The following CENPU variants were observed in gnomAD, a reference collection of about 807,000 sequenced individuals.
The protein encoded by CENPU is KSHV latent nuclear antigen interacting protein 1.
CENPU carries 46 observed loss-of-function variants against 56.7 expected under a neutral mutation model. That is an observed-to-expected ratio of 0.81 (90% CI 0.64 to 1.04). CENPU has a LOEUF of 1.04. Ranked by LOEUF, CENPU falls within the 50% of genes least tolerant of loss-of-function variation. The pLI is 0.00. For missense variants in CENPU, 510 were observed against 490.1 expected, an observed-to-expected ratio of 1.04 and a Z score of -0.38; for synonymous variants, 166 against 163.0, an observed-to-expected ratio of 1.02 and a Z score of -0.14.
intron 10 of CENPU, 53 bp from the exon 11 acceptor site, chr4:184,700,934 G>T: frequency 1.4e-6 from 2 of 1,396,932 alleles, no homozygotes; most frequent in Non-Finnish European, 2.0e-6. Flanking sequence ...TTTGAGCACT[G>T]CCACATAAGC....
chr4:184,697,936 CG>C (rs1760395707), intron 11 of CENPU, 133 bp from the exon 12 acceptor site: 1 of 599,742 alleles, frequency 1.7e-6, no homozygotes, highest in Non-Finnish European at 2.9e-6. Context: ...TCTGAAACTA[CG>C]AATGTGTAAA....
intron 4 of CENPU, among the ~76,000 whole-genome samples, chr4:184,723,778 G>A (rs1241498148): frequency 6.1e-5 from 9 of 146,742 alleles, no homozygotes; most frequent in Non-Finnish European, 1.0e-4. Flanking sequence ...GGGAGGCGGA[G>A]GTTACAGTGA....
chr4:184,721,480 G>GAAAAAAA (rs1761275743), intron 4 of CENPU, among the ~76,000 whole-genome samples: 3 of 40,804 alleles, frequency 7.4e-5, no homozygotes, highest in African/African-American at 3.0e-4. Flanking sequence ...AAAAAAAAAG[G>GAAAAAAA]ACCCAATGAT....
intron 7 of CENPU, among the ~76,000 whole-genome samples, chr4:184,710,958 T>C (rs1760902565): frequency 6.6e-6 from 1 of 152,096 alleles, no homozygotes; most frequent in Non-Finnish European, 1.5e-5. Flanking sequence ...TAGGCTCAAG[T>C]GATCCTCCCA....
At chr4:184,730,729 A>G (rs1238712505) in intron 2 of CENPU, among the ~76,000 whole-genome samples, 191 bp downstream of exon 2, 1 of 152,186 alleles carries the variant, frequency 6.6e-6, no homozygotes, top group Non-Finnish European at 1.5e-5. Flanking sequence ...TCAGAAATAA[A>G]GGAAATTCTA....
intron 4 of CENPU, 84 bp from the exon 5 acceptor site, chr4:184,717,280 A>G: frequency 1.0e-6 from 1 of 969,736 alleles, no homozygotes; most frequent in Non-Finnish European, 1.6e-6. Flanking sequence ...TTCAACATGA[A>G]AACAGACTCA....
At chr4:184,711,990 G>A (rs1306123644) in intron 7 of CENPU, among the ~76,000 whole-genome samples, 1 of 151,806 alleles carries the variant, frequency 6.6e-6, no homozygotes, top group Non-Finnish European at 1.5e-5. Flanking sequence ...GCATGGTGGC[G>A]TGGGCCTATA....
intron 11 of CENPU, chr4:184,699,689 T>G (rs1209777747): frequency 3.6e-6 from 4 of 1,117,008 alleles, no homozygotes; most frequent in Non-Finnish European, 4.8e-6. Context: ...GAGACACAGT[T>G]TCACTCTGTC....
intron 8 of CENPU, among the ~76,000 whole-genome samples, chr4:184,702,691 A>C (rs67641203): frequency 0.18 from 27,125 of 152,112 alleles, 2,724 homozygotes; most frequent in African/African-American, 0.26. Context: ...GCATAGTAGC[A>C]AACAGGTTGT....
Position 184,704,383 on chromosome 4 carries a change from T to C in CENPU, c.798-1942A>G, listed in dbSNP as rs571698535. 3.9e-5 allele frequency among the ~76,000 whole-genome samples: 6 copies of C among 152,288 alleles called. No individual in the cohort carries two copies. The East Asian group carries it at 5.8e-4, about 15-fold the overall frequency. ...TGCTACAATTATCTACAGTACTCAA[T>C]ACAGTAACATGCTGTCCAAGTGTGT... On this transcript the variant is annotated intron_variant, in intron 8 of 12. Transcript: ENST00000281453.
intron 8 of CENPU, among the ~76,000 whole-genome samples, chr4:184,705,163 G>A (rs1044077917): frequency 6.6e-6 from 1 of 152,014 alleles, no homozygotes; most frequent in African/African-American, 2.4e-5. Context: ...GCCCCAAACT[G>A]GAAACAACCC....
At chr4:184,731,021 G>GTGTTTCCTCAGTTATTTT in intron 1 of CENPU, 53 bp from the exon 2 acceptor site, 1 of 1,298,482 alleles carries the variant, frequency 7.7e-7, no homozygotes, top group Non-Finnish European at 1.1e-6. Flanking sequence ...AATAACTGAG[G>GTGTTTCCTCAGTTATTTT]AAACACCATA....
rs372853709 is a variant in CENPU, at chr4:184,730,901, A to G, written c.96+19T>C. ...TACTGTCAATTTTGAGAAAACCACA[A>G]CACAAAAAGGTAACTTACATCTTTC... On this transcript the variant is annotated intron_variant, in intron 2 of 12. Transcript: ENST00000281453. 2 of 1,570,836 alleles carry G rather than the reference A, an allele frequency of 1.3e-6. No homozygotes were observed. The highest frequency in any genetic ancestry group is 1.7e-6 in the Non-Finnish European group (2 of 1,165,828).
At chr4:184,717,217 C>CT (rs753340457) in intron 4 of CENPU, 21 bp from the exon 5 acceptor site, 1 of 1,585,038 alleles carries the variant, frequency 6.3e-7, no homozygotes, top group Non-Finnish European at 8.6e-7. Flanking sequence ...TACAAGCCAT[C>CT]AATATCTTGT....
chr4:184,717,321 TA>T, intron 4 of CENPU, 125 bp from the exon 5 acceptor site: 1 of 701,468 alleles, frequency 1.4e-6, no homozygotes, highest in Non-Finnish European at 2.4e-6. Context: ...ATTTGTCACA[TA>T]CAAGTCTGCC....
intron 1 of CENPU, among the ~76,000 whole-genome samples, chr4:184,731,680 G>A (rs1761650169): frequency 6.6e-6 from 1 of 152,082 alleles, no homozygotes; most frequent in African/African-American, 2.4e-5. Context: ...GTACGGGGGG[G>A]ATACTCCAGG....
chr4:184,729,176 C>G (rs1761553584), intron 2 of CENPU, 141 bp from the exon 3 acceptor site: 1 of 633,856 alleles, frequency 1.6e-6, no homozygotes, highest in Admixed American at 2.7e-5. Context: ...ACTACCTACC[C>G]TGATTGGGTC....
At chr4:184,726,460 G>C (rs1309994670) in intron 3 of CENPU, among the ~76,000 whole-genome samples, 1 of 152,164 alleles carries the variant, frequency 6.6e-6, no homozygotes, top group Non-Finnish European at 1.5e-5. Context: ...AAACCACAGT[G>C]AGATAGTACT....
Position 184,694,513 on chromosome 4 carries a change from G to A in CENPU, c.*775C>T. 2 of 1,608,514 alleles carry A rather than the reference G, an allele frequency of 1.2e-6. No individual in the cohort carries two copies. The highest frequency in any genetic ancestry group is 1.7e-6 in the Non-Finnish European group (2 of 1,175,964). On this transcript the variant is annotated 3_prime_UTR_variant, in exon 13 of 13. Coordinates refer to ENST00000281453, the MANE Select transcript of CENPU (RefSeq NM_024629.4). ...TCCCACTCTCTATCCCTTCACCACT[G>A]AAATAAAGGAAGAAGAGTTTACAAC... is the stretch of plus-strand genomic sequence containing the variant.
Sources: gnomAD v4.1 joint callset for allele counts (sites outside exome capture counted in the v4.1 genomes callset) on GRCh38, gnomAD v4.1.1 for gene constraint, MANE v1.5 for transcripts, NCBI Gene and HGNC (gene_info 2026-07-23, HGNC 2026-07-21) for gene names.